Variants in PRSS8 observed in about 807,000 individuals in gnomAD.
PRSS8 encodes serine protease 8.
In PRSS8, 11 loss-of-function variants were observed where a neutral mutation model predicts 26.7. The ratio of observed to expected loss-of-function variants is 0.41; its 90% CI spans 0.26 to 0.68. The LOEUF is 0.68. Among genes scored for constraint, PRSS8 ranks in the 30% least tolerant of loss-of-function variants. The probability of loss-of-function intolerance (pLI) is 0.30; values close to 1 mark genes in which losing one functional copy is unlikely to be tolerated. For synonymous variants in PRSS8, 183 were observed against 187.0 expected (o/e 0.98, Z 0.17); for missense variants, 362 against 443.5 (o/e 0.82, Z 1.65).
In PRSS8 at chr16:31,133,184, AC is replaced by A. The variant is rs954614623; in HGVS notation, c.266+41del. 2 of 1,612,826 alleles carry A rather than the reference AC, an allele frequency of 1.2e-6. No homozygotes were observed. Among genetic ancestry groups the A allele is most frequent in the Non-Finnish European group, 1.7e-6 (2 of 1,179,802 alleles). ...ACCTCTGACCTGGATTGACCCATTA[AC>A]TTTGACCTCCAGCCCACTTTTGACT... On this transcript the variant is annotated intron_variant, in intron 3 of 5. Coordinates refer to ENST00000317508, the MANE Select transcript of PRSS8 (RefSeq NM_002773.5). The surrounding 1 kb of genome is among the most constrained non-coding windows in gnomAD (Gnocchi z 4.7).
rs2057602866 is a variant in PRSS8 at position 31,135,640 on chromosome 16, G to A, written c.-142C>T. 1 of 742,946 alleles carries A rather than the reference G, an allele frequency of 1.3e-6. No individual in the cohort carries two copies. The highest frequency in any genetic ancestry group is 2.2e-6 in the Non-Finnish European group (1 of 458,486). 46.0% of individuals were successfully genotyped at this position (742,946 alleles called of 1,614,324 possible). A position where few individuals can be genotyped will look rare whatever the true frequency, so the allele number is the denominator to read the frequency against. ...CTGGAAAGGGGCAGCAAGTGTCCAA[G>A]GCTGGCCTCTAAGGCAGGGAGCGGC... On this transcript the variant is annotated 5_prime_UTR_variant, in exon 1 of 6. Coordinates refer to ENST00000317508, the MANE Select transcript of PRSS8 (RefSeq NM_002773.5).
rs1465566679 is a variant in PRSS8, at chr16:31,135,718, A to T, written c.-220T>A. The T allele has an allele frequency of 3.9e-6, 2 of 510,058 alleles. No individual in the cohort carries two copies. Among genetic ancestry groups the T allele is most frequent in the African/African-American group, 3.9e-5 (2 of 51,734 alleles). The allele number at this position is 510,058 out of a possible 1,614,324, so 31.6% of individuals were successfully genotyped here. On this transcript the variant is annotated 5_prime_UTR_variant, in exon 1 of 6. Coordinates refer to ENST00000317508, the MANE Select transcript of PRSS8 (RefSeq NM_002773.5). ...AAGCGAGCAGTGTGGACGAGTCACC[A>T]GCACCGTCTGGCCACGCAGGGTCCT... is the stretch of plus-strand genomic sequence containing the variant.
At position 31,131,997 on chromosome 16, in the gene PRSS8, A is replaced by G. The variant is rs1237037264; in HGVS notation, c.*12T>C. ...TTGAGTGTGATGCATCCATCCTGGAAGTAGGGCCAGCTCAGTGCTCGCTGA... is the reference window on the plus strand; with the variant it reads ...TTGAGTGTGATGCATCCATCCTGGAGGTAGGGCCAGCTCAGTGCTCGCTGA... On this transcript the variant is annotated 3_prime_UTR_variant, in exon 6 of 6. Coordinates refer to ENST00000317508, the MANE Select transcript of PRSS8 (RefSeq NM_002773.5). 1.3e-6 allele frequency: 2 copies of G among 1,536,050 alleles called. No individual in the cohort carries two copies. Among genetic ancestry groups the G allele is most frequent in the South Asian group, 2.5e-5 (2 of 80,866 alleles).
chr16:31,134,913 G>A (rs2057597620), intron 2 of PRSS8: 1 of 565,506 alleles, frequency 1.8e-6, no homozygotes, highest in Non-Finnish European at 3.1e-6. Context: ...CACCTCGATT[G>A]CCCCACTTTG....
intron 2 of PRSS8, 126 bp downstream of exon 2, chr16:31,135,028 C>T (rs2057598104): frequency 1.4e-5 from 17 of 1,235,576 alleles, no homozygotes; most frequent in African/African-American, 3.0e-5. Context: ...ACCCCCCACT[C>T]TGGGAGCCCT....
intron 1 of PRSS8, 41 bp downstream of exon 1, chr16:31,135,373 C>A (rs1409701836): frequency 6.3e-7 from 1 of 1,576,504 alleles, no homozygotes; most frequent in East Asian, 2.3e-5. Flanking sequence ...CCGGCTCCCT[C>A]CAGTGCATTG....
At chr16:31,135,379 C>T (rs1442282783) in intron 1 of PRSS8, 35 bp downstream of exon 1, 1 of 1,578,414 alleles carries the variant, frequency 6.3e-7, no homozygotes, top group Admixed American at 1.8e-5. Context: ...CCCTCCAGTG[C>T]ATTGTCCCCA....
Position 31,131,991 on chromosome 16 carries a change from C to T in PRSS8, c.*18G>A. 1 of 1,527,444 alleles carries T rather than the reference C, an allele frequency of 6.5e-7. No individual in the cohort carries two copies. Among genetic ancestry groups the T allele is most frequent in the Non-Finnish European group, 8.8e-7 (1 of 1,134,706 alleles). The allele number at this position is 1,527,444 out of a possible 1,614,324, so 94.6% of individuals were successfully genotyped here. A position where few individuals can be genotyped will look rare whatever the true frequency, so the allele number is the denominator to read the frequency against. ...CTGTCCTTGAGTGTGATGCATCCAT[C>T]CTGGAAGTAGGGCCAGCTCAGTGCT... On this transcript the variant is annotated 3_prime_UTR_variant, in exon 6 of 6. Coordinates refer to ENST00000317508, the MANE Select transcript of PRSS8 (RefSeq NM_002773.5).
Position 31,133,795 on chromosome 16 carries a change from C to G in PRSS8, c.104-407G>C, listed in dbSNP as rs1192620964. The stretch of plus-strand genomic sequence containing the variant: ...GGCCACACACTTGTTTACCCGGGAC[C>G]TTGGCTGATCCAGGTCACTCTACCT... On this transcript the variant is annotated intron_variant, in intron 2 of 5. Transcript: ENST00000317508. This position sits in a 1 kb window ranked among gnomAD's most constrained non-coding sequence, Gnocchi z 4.7. Among the ~76,000 whole-genome samples, 3 of 152,198 alleles carry G rather than the reference C, an allele frequency of 2.0e-5. No individual in the cohort carries two copies. Among genetic ancestry groups the G allele is most frequent in the African/African-American group, 4.8e-5 (2 of 41,444 alleles).
chr16:31,134,743 G>A (rs1489956207), intron 2 of PRSS8: 5 of 224,856 alleles, frequency 2.2e-5, no homozygotes, highest in Non-Finnish European at 3.6e-5. Flanking sequence ...TGTAGTCCCA[G>A]CCACTAGGGA....
intron 1 of PRSS8, 78 bp downstream of exon 1, chr16:31,135,336 A>G: frequency 1.3e-6 from 2 of 1,573,230 alleles, no homozygotes; most frequent in Non-Finnish European, 1.7e-6. Flanking sequence ...GGCCCCAGAC[A>G]AGGGCACACC....
chr16:31,135,343 C>T lies in PRSS8; in HGVS notation c.85+71G>A, dbSNP rs976578222. 2.5e-6 allele frequency: 4 copies of T among 1,573,218 alleles called. No homozygotes were observed. The Admixed American group carries it at 7.1e-5, about 28-fold the overall frequency. ...TTTTCTTGGGCCCCAGACAAGGGCA[C>T]ACCCCAGAAAATGATCACGCCGGCT... On this transcript the variant is annotated intron_variant, in intron 1 of 5. Transcript: ENST00000317508.
Position 31,135,552 on chromosome 16 carries a change from T to C in PRSS8, c.-54A>G. On this transcript the variant is annotated 5_prime_UTR_variant, in exon 1 of 6. Coordinates refer to ENST00000317508, the MANE Select transcript of PRSS8 (RefSeq NM_002773.5). ...CTCCAGGCACGCAAGGTAGGAAGCC[T>C]TGGGGTGGTGTCGAAGGCAGGACCC... The C allele has an allele frequency of 1.4e-6, 2 of 1,428,494 alleles. No homozygotes were observed. Among genetic ancestry groups the C allele is most frequent in the East Asian group, 2.5e-5 (1 of 40,228 alleles). 88.5% of individuals were successfully genotyped at this position (1,428,494 alleles called of 1,614,324 possible).
chr16:31,133,536 G>T lies in PRSS8; in HGVS notation c.104-148C>A. ...AGGCATGGGCAGTTGTGCCCCTTCT[G>T]TCCACTACCCATTACCTAATTCAGG... On this transcript the variant is annotated intron_variant, in intron 2 of 5. Transcript: ENST00000317508. This position sits in a 1 kb window ranked among gnomAD's most constrained non-coding sequence, Gnocchi z 4.7. 1.1e-6 allele frequency: 1 copy of T among 940,392 alleles called. No individual in the cohort carries two copies. Among genetic ancestry groups the T allele is most frequent in the Non-Finnish European group, 1.6e-6 (1 of 639,542 alleles). The allele number at this position is 940,392 out of a possible 1,614,324, so 58.3% of individuals were successfully genotyped here.
rs1227181781 is a variant in PRSS8 at position 31,132,206 on chromosome 16, A to G, written c.835T>C (p.Ser279Pro). The change falls in exon 6 of 6, where the codon TCC becomes CCC. Residue 279 changes from serine to proline, a missense_variant. By Grantham distance (74) the Ser-to-Pro change is moderately conservative (BLOSUM62 -1). Coordinates refer to ENST00000317508, the MANE Select transcript of PRSS8 (RefSeq NM_002773.5). The surrounding 1 kb of genome is among the most constrained non-coding windows in gnomAD (Gnocchi z 5.2). ...TCTGTCACCTTGCTTTGGATCCAGG[A>G]GGCATAGCTGGAGGCCAGAGTGTAC... ...GVYTLASSYA[S>P]WIQSKVTELQ... 1 of 1,613,870 alleles carries G rather than the reference A, an allele frequency of 6.2e-7. No individual in the cohort carries two copies. Among genetic ancestry groups the G allele is most frequent in the African/African-American group, 1.3e-5 (1 of 75,018 alleles).
Position 31,131,680 on chromosome 16 carries a change from C to T in PRSS8, c.*329G>A. The T allele has an allele frequency of 2.4e-6, 1 of 413,470 alleles. No homozygotes were observed. The highest frequency in any genetic ancestry group is 4.0e-5 in the South Asian group (1 of 25,096). The allele number at this position is 413,470 out of a possible 1,614,324, so 25.6% of individuals were successfully genotyped here. Reference sequence around the variant, plus strand: ...TCTGGGCAGGCGGGCCGGGAGCAGTCTTCCAGAAACAGGTGGGAGCCAGGG... The same window carrying T: ...TCTGGGCAGGCGGGCCGGGAGCAGTTTTCCAGAAACAGGTGGGAGCCAGGG... On this transcript the variant is annotated 3_prime_UTR_variant, in exon 6 of 6. Coordinates refer to ENST00000317508, the MANE Select transcript of PRSS8 (RefSeq NM_002773.5).
Position 31,133,473 on chromosome 16 carries a change from G to C in PRSS8, c.104-85C>G, listed in dbSNP as rs973706330. The C allele has an allele frequency of 2.0e-6, 3 of 1,530,666 alleles. No homozygotes were observed. The highest frequency in any genetic ancestry group is 2.6e-6 in the Non-Finnish European group (3 of 1,134,748). The allele number at this position is 1,530,666 out of a possible 1,614,324, so 94.8% of individuals were successfully genotyped here. A position where few individuals can be genotyped will look rare whatever the true frequency, so the allele number is the denominator to read the frequency against. ...GGAGCTCTGATATAGAGCTTGGGAAGTGGGTTCACAGGAGTCAACACCCCT... is the reference window on the plus strand; with the variant it reads ...GGAGCTCTGATATAGAGCTTGGGAACTGGGTTCACAGGAGTCAACACCCCT... On this transcript the variant is annotated intron_variant, in intron 2 of 5. Transcript: ENST00000317508. This position sits in a 1 kb window ranked among gnomAD's most constrained non-coding sequence, Gnocchi z 4.7.
chr16:31,133,580 C>G lies in PRSS8; in HGVS notation c.104-192G>C, dbSNP rs2057592089. 6.6e-6 allele frequency among the ~76,000 whole-genome samples: 1 copy of G among 152,200 alleles called. No individual in the cohort carries two copies. The highest frequency in any genetic ancestry group is 1.5e-5 in the Non-Finnish European group (1 of 68,032). On this transcript the variant is annotated intron_variant, in intron 2 of 5. Transcript: ENST00000317508. The surrounding 1 kb of genome is among the most constrained non-coding windows in gnomAD (Gnocchi z 4.7). ...ATTCAGGTCTCATGGCAGCTTCTCTCCTTGCAAGCCTTCCATCCATCCCGC... is the reference window on the plus strand; with the variant it reads ...ATTCAGGTCTCATGGCAGCTTCTCTGCTTGCAAGCCTTCCATCCATCCCGC...
rs770631859 is a variant in PRSS8 at position 31,133,158 on chromosome 16, AACCTCTG to A, written c.266+61_266+67del. The A allele has an allele frequency of 2.5e-5, 40 of 1,608,794 alleles. No individual in the cohort carries two copies. Among genetic ancestry groups the A allele is most frequent in the Non-Finnish European group, 3.4e-5 (40 of 1,178,418 alleles). ...CTCTCAGACCCAACCCAAGAACCCC[AACCTCTG>A]ACCTGGATTGACCCATTAACTTTGA... On this transcript the variant is annotated intron_variant, in intron 3 of 5. Coordinates refer to ENST00000317508, the MANE Select transcript of PRSS8 (RefSeq NM_002773.5). The surrounding 1 kb of genome is among the most constrained non-coding windows in gnomAD (Gnocchi z 4.7).
Sources: gnomAD v4.1 joint callset for allele counts (sites outside exome capture counted in the v4.1 genomes callset) on GRCh38, gnomAD v4.1.1 for gene constraint, Gnocchi (gnomAD v3.1) non-coding constraint, MANE v1.5 for transcripts, NCBI Gene and HGNC (gene_info 2026-07-23, HGNC 2026-07-21) for gene names.